Variants in VTA1 observed in about 807,000 individuals in gnomAD.
The protein encoded by VTA1 is vesicle trafficking 1.
A neutral mutation model predicts 36.9 loss-of-function variants in VTA1; 24 were observed. The ratio of observed to expected loss-of-function variants is 0.65; its 90% CI spans 0.47 to 0.91. VTA1 has a LOEUF of 0.91. VTA1 is among the 40% of genes least tolerant of loss of function. The pLI, the probability that VTA1 is intolerant of heterozygous loss-of-function variation, is 0.00. For synonymous variants in VTA1, 142 were observed against 130.2 expected (o/e 1.09, Z -0.62); for missense variants, 393 against 377.2 (o/e 1.04, Z -0.35).
At chr6:142,213,594 G>T (rs1007464876) in intron 7 of VTA1, among the ~76,000 whole-genome samples, 1 of 152,236 alleles carries the variant, frequency 6.6e-6, no homozygotes, top group African/African-American at 2.4e-5. Flanking sequence ...GGCTCCACCA[G>T]TGCAGCACAC....
intron 4 of VTA1, among the ~76,000 whole-genome samples, chr6:142,181,094 A>AAAAAAATATATATAT (rs1471429927): frequency 5.5e-5 from 2 of 36,420 alleles, no homozygotes; most frequent in African/African-American, 1.5e-4. Flanking sequence ...AAAAAAAAAA[A>AAAAAAATATATATAT]ATATATATAT....
chr6:142,155,368 ATTAT>A (rs985073437), intron 1 of VTA1, among the ~76,000 whole-genome samples: 2 of 152,184 alleles, frequency 1.3e-5, no homozygotes, highest in African/African-American at 4.8e-5. Flanking sequence ...TTCCTGAATG[ATTAT>A]TTATACATTT....
intron 7 of VTA1, 151 bp downstream of exon 7, chr6:142,204,216 G>T: frequency 1.5e-6 from 1 of 678,864 alleles, no homozygotes; most frequent in Non-Finnish European, 2.5e-6. Flanking sequence ...GAATGCTTAT[G>T]TTCACTAGAT....
At chr6:142,206,235 T>G (rs1372934936) in intron 7 of VTA1, among the ~76,000 whole-genome samples, 2 of 152,234 alleles carry the variant, frequency 1.3e-5, no homozygotes. Context: ...ATGATTAATA[T>G]GCAAAAATTA....
intron 1 of VTA1, among the ~76,000 whole-genome samples, chr6:142,151,095 G>C (rs1245839729): frequency 6.6e-6 from 1 of 152,110 alleles, no homozygotes; most frequent in Non-Finnish European, 1.5e-5. Flanking sequence ...TCTCCGAAGA[G>C]GGAGGAGTTA....
Position 142,224,235 on chromosome 6 carries a change from T to A in VTA1, c.*5592T>A, listed in dbSNP as rs1582913049. Reference sequence around the variant, plus strand: ...AGGACACGCAGAGGCTCGAATATGCTCTCAACCCTATCAGTTGCCTGCTTT... The same window carrying A: ...AGGACACGCAGAGGCTCGAATATGCACTCAACCCTATCAGTTGCCTGCTTT... On this transcript the variant is annotated 3_prime_UTR_variant, in exon 8 of 8. Transcript: ENST00000367630. 1 of 152,228 alleles carries A rather than the reference T, an allele frequency of 6.6e-6. No homozygotes were observed. The highest frequency in any genetic ancestry group is 1.5e-5 in the Non-Finnish European group (1 of 68,050). 9.4% of individuals were successfully genotyped at this position (152,228 alleles called of 1,614,324 possible).
Position 142,219,712 on chromosome 6 carries a change from G to GT in VTA1, c.*1075dup. 1.3e-5 allele frequency: 2 copies of GT among 151,966 alleles called. No individual in the cohort carries two copies. Among genetic ancestry groups the GT allele is most frequent in the East Asian group, 3.9e-4 (2 of 5,078 alleles). 9.4% of individuals were successfully genotyped at this position (151,966 alleles called of 1,614,324 possible). ...TTCTATAGGAAGAAACAGGTTTTTT[G>GT]TTTTTTGTTTTTTAAGATAAATTTG... On this transcript the variant is annotated 3_prime_UTR_variant, in exon 8 of 8. Transcript: ENST00000367630.
In VTA1 at chr6:142,218,536, C is replaced by G; in HGVS notation, c.817C>G (p.Gln273Glu). The G allele has an allele frequency of 6.2e-7, 1 of 1,613,500 alleles. No individual in the cohort carries two copies. Among genetic ancestry groups the G allele is most frequent in the Non-Finnish European group, 8.5e-7 (1 of 1,179,712 alleles). Residue 273 changes from glutamine (Q) to glutamate (E), a missense_variant, in exon 8 of 8, where the codon CAG becomes GAG. Physicochemically the swap from Gln to Glu is conservative, Grantham distance 29 (BLOSUM62 2). Coordinates refer to ENST00000367630, the MANE Select transcript of VTA1 (RefSeq NM_016485.5). ...RLTPEDFARA[Q>E]KYCKYAGSAL... ...AACCCCAGAAGACTTTGCTAGAGCT[C>G]AGAAGTACTGCAAATATGCTGGCAG... is the stretch of plus-strand genomic sequence containing the variant.
At position 142,153,239 on chromosome 6, in the gene VTA1, A is replaced by G. The variant is rs535250355; in HGVS notation, c.112+5840A>G. ...ATGAGAACAAGAAGTATGTCGTGTG[A>G]TGATCATTGAATGTCCACCTCCTAA... On this transcript the variant is annotated intron_variant, in intron 1 of 7. Transcript: ENST00000367630. Among the ~76,000 whole-genome samples the G allele has an allele frequency of 2.6e-5, 4 of 152,182 alleles. No homozygotes were observed. The East Asian group carries it at 7.7e-4, about 29-fold the overall frequency.
At chr6:142,216,800 T>C (rs1383145977) in intron 7 of VTA1, among the ~76,000 whole-genome samples, 2 of 152,136 alleles carry the variant, frequency 1.3e-5, no homozygotes, top group Non-Finnish European at 2.9e-5. Context: ...GGTGTAAAAA[T>C]AAAGATTAAT....
chr6:142,217,658 T>C (rs1048591289), intron 7 of VTA1, among the ~76,000 whole-genome samples: 1 of 151,918 alleles, frequency 6.6e-6, no homozygotes, highest in Non-Finnish European at 1.5e-5. Context: ...CAAACAGAAT[T>C]GAAATATGTT....
chr6:142,204,961 T>A (rs1775761634), intron 7 of VTA1, among the ~76,000 whole-genome samples: 1 of 152,100 alleles, frequency 6.6e-6, no homozygotes, highest in African/African-American at 2.4e-5. Context: ...CTTGACCTCA[T>A]AATCCGCCTG....
chr6:142,163,449 G>C (rs1405414693), intron 1 of VTA1, among the ~76,000 whole-genome samples: 1 of 152,072 alleles, frequency 6.6e-6, no homozygotes, highest in Non-Finnish European at 1.5e-5. Flanking sequence ...AGAATACTGG[G>C]AAATGTACTC....
At chr6:142,169,876 C>A (rs538490354) in intron 3 of VTA1, among the ~76,000 whole-genome samples, 199 bp downstream of exon 3, 1 of 151,798 alleles carries the variant, frequency 6.6e-6, no homozygotes, top group East Asian at 1.9e-4. Context: ...GAAGAAATAC[C>A]CAGGGCAGAT....
chr6:142,176,712 A>G (rs1306907900), intron 4 of VTA1, among the ~76,000 whole-genome samples: 2 of 152,176 alleles, frequency 1.3e-5, no homozygotes, highest in African/African-American at 2.4e-5. Context: ...ACAGATAGAT[A>G]TACAGCATAA....
chr6:142,221,301 A>T lies in VTA1; in HGVS notation c.*2658A>T, dbSNP rs1582911884. On this transcript the variant is annotated 3_prime_UTR_variant, in exon 8 of 8. Coordinates refer to ENST00000367630, the MANE Select transcript of VTA1 (RefSeq NM_016485.5). ...ATAGGAGATGCTTAGGTGTGTACAG[A>T]CATATGCATATTTCAATAGAATAGC... 3 of 152,222 alleles carry T rather than the reference A, an allele frequency of 2.0e-5. No individual in the cohort carries two copies. Among genetic ancestry groups the T allele is most frequent in the Admixed American group, 2.0e-4 (3 of 15,274 alleles). 9.4% of individuals were successfully genotyped at this position (152,222 alleles called of 1,614,324 possible). A position where few individuals can be genotyped will look rare whatever the true frequency, so the allele number is the denominator to read the frequency against.
intron 7 of VTA1, among the ~76,000 whole-genome samples, chr6:142,213,862 T>C (rs960280116): frequency 6.6e-6 from 1 of 152,178 alleles, no homozygotes; most frequent in Admixed American, 6.5e-5. Flanking sequence ...CTCCAACCTG[T>C]GATGGCGGGG....
At chr6:142,192,700 ATT>A (rs1285951946) in intron 5 of VTA1, among the ~76,000 whole-genome samples, 1 of 85,078 alleles carries the variant, frequency 1.2e-5, no homozygotes, top group African/African-American at 4.3e-5. Flanking sequence ...TATTTTATAT[ATT>A]TGTGTGTGTG....
In VTA1 at chr6:142,161,077, T is replaced by TCCCCC. The variant is rs199666023; in HGVS notation, c.113-5151_113-5150insCCCCC. On this transcript the variant is annotated intron_variant, in intron 1 of 7. Transcript: ENST00000367630. Reference sequence around the variant, plus strand: ...CAGGCATTCATTCATGCTTCCTTCCTTCCCCCCCCCCCCTTTTTTTGGGTC... The same window carrying TCCCCC: ...CAGGCATTCATTCATGCTTCCTTCCTCCCCCTCCCCCCCCCCCCTTTTTTTGGGTC... 6.4e-4 allele frequency among the ~76,000 whole-genome samples: 58 copies of TCCCCC among 90,830 alleles called. 7 individuals carry two copies. Among genetic ancestry groups the TCCCCC allele is most frequent in the East Asian group, 1.1e-3 (2 of 1,746 alleles). 59.6% of individuals were successfully genotyped at this position (90,830 alleles called of 152,430 possible).
Sources: gnomAD v4.1 joint callset for allele counts (sites outside exome capture counted in the v4.1 genomes callset) on GRCh38, gnomAD v4.1.1 for gene constraint, MANE v1.5 for transcripts, NCBI Gene and HGNC (gene_info 2026-07-23, HGNC 2026-07-21) for gene names.